PDE4B: variants seen among roughly 807,000 people sequenced by gnomAD.
The protein encoded by PDE4B is 3',5'-cyclic-AMP phosphodiesterase 4B.
Under a neutral mutation model 82.2 loss-of-function variants are expected in PDE4B, and 20 were observed. The ratio of observed to expected loss-of-function variants is 0.24; its 90% CI spans 0.17 to 0.35. The LOEUF is 0.35. PDE4B is among the 10% of genes least tolerant of loss of function. PDE4B has a pLI of 1.00. For synonymous variants in PDE4B, 320 were observed against 318.9 expected, an observed-to-expected ratio of 1.00 and a Z score of -0.04; for missense variants, 655 against 907.2, an observed-to-expected ratio of 0.72 and a Z score of 3.57.
At chr1:65,793,331 A>G in intron 1 of PDE4B, 83 bp downstream of exon 1, 1 of 152,502 alleles carries the variant, frequency 6.6e-6, no homozygotes, top group Non-Finnish European at 1.5e-5. Context: ...TGGAGAGTGT[A>G]GGGTGCTGTG....
At chr1:66,085,610 G>T (rs1656963165) in intron 3 of PDE4B, among the ~76,000 whole-genome samples, 2 of 152,068 alleles carry the variant, frequency 1.3e-5, no homozygotes, top group Admixed American at 1.3e-4. Context: ...TGGGAGAAGG[G>T]AGATCTAGAG....
Position 66,078,187 on chromosome 1 carries a change from CTCTT to C in PDE4B, c.281+159366_281+159369del, listed in dbSNP as rs566563383. On this transcript the variant is annotated intron_variant, in intron 3 of 16. Transcript: ENST00000341517. ...GACTGCTTTCTACCTTGCTTAAAGC[CTCTT>C]TCTTTCTTTCTTTTTTTTTTTTCAA... Among the ~76,000 whole-genome samples the C allele has an allele frequency of 8.0e-3, 1,210 of 150,860 alleles. 13 individuals are homozygous for C. Among genetic ancestry groups the C allele is most frequent in the African/African-American group, 0.027 (1,123 of 41,156 alleles).
At chr1:65,881,923 T>C (rs1341653377) in intron 1 of PDE4B, among the ~76,000 whole-genome samples, 2 of 152,188 alleles carry the variant, frequency 1.3e-5, no homozygotes, top group East Asian at 1.9e-4. Flanking sequence ...TTATATATCA[T>C]TATGCTATTT....
intron 3 of PDE4B, among the ~76,000 whole-genome samples, chr1:65,919,704 A>G (rs759509076): frequency 6.6e-6 from 1 of 152,080 alleles, no homozygotes; most frequent in Non-Finnish European, 1.5e-5. Context: ...ACATTATTGT[A>G]GTAAATTATT....
chr1:66,210,616 A>G (rs972370400), intron 3 of PDE4B, among the ~76,000 whole-genome samples: 5 of 147,960 alleles, frequency 3.4e-5, no homozygotes, highest in Admixed American at 6.8e-5. Flanking sequence ...AAAAAAAAAA[A>G]AAAGAAAAAG....
intron 3 of PDE4B, among the ~76,000 whole-genome samples, chr1:66,235,810 A>G (rs1652364606): frequency 1.3e-5 from 2 of 152,232 alleles, no homozygotes; most frequent in South Asian, 4.1e-4. Flanking sequence ...ACAGAGTTTA[A>G]CTGAGCAAAG....
At chr1:66,232,257 A>G (rs72924440) in intron 3 of PDE4B, among the ~76,000 whole-genome samples, 4,555 of 152,326 alleles carry the variant, frequency 0.03, 226 homozygotes, top group African/African-American at 0.1. Flanking sequence ...GGGCAGTGAT[A>G]TGCAAAAGCA....
chr1:65,922,607 T>C (rs544396620), intron 3 of PDE4B, among the ~76,000 whole-genome samples: 1 of 152,104 alleles, frequency 6.6e-6, no homozygotes. Flanking sequence ...TATACACACA[T>C]AAATAGAAGG....
intron 3 of PDE4B, among the ~76,000 whole-genome samples, chr1:66,238,554 G>T (rs1196413434): frequency 6.6e-6 from 1 of 152,196 alleles, no homozygotes; most frequent in South Asian, 2.1e-4. Context: ...AGATTTTAAT[G>T]CCGTGGTGGA....
At chr1:65,793,599 G>A (rs1462644995) in intron 1 of PDE4B, among the ~76,000 whole-genome samples, 2 of 152,110 alleles carry the variant, frequency 1.3e-5, no homozygotes, top group East Asian at 1.9e-4. Context: ...ATGGGCGCGC[G>A]GTGCCCAGTG....
intron 3 of PDE4B, among the ~76,000 whole-genome samples, chr1:66,185,596 G>A (rs551131562): frequency 6.6e-6 from 1 of 152,144 alleles, no homozygotes; most frequent in South Asian, 2.1e-4. Flanking sequence ...GGCCAGTGAT[G>A]ATGAGCATTT....
intron 7 of PDE4B, among the ~76,000 whole-genome samples, chr1:66,319,306 C>T (rs1344758446): frequency 6.6e-6 from 1 of 152,196 alleles, no homozygotes; most frequent in Non-Finnish European, 1.5e-5. Context: ...ACATTTGCTT[C>T]TACTCTTCAC....
intron 3 of PDE4B, among the ~76,000 whole-genome samples, chr1:66,147,178 C>T (rs1646292350): frequency 6.6e-6 from 1 of 152,208 alleles, no homozygotes; most frequent in Non-Finnish European, 1.5e-5. Context: ...GCACATGAGA[C>T]TGTGACCTTT....
chr1:66,319,259 T>A (rs11208833), intron 7 of PDE4B, among the ~76,000 whole-genome samples: 4,280 of 152,262 alleles, frequency 0.028, 186 homozygotes, highest in African/African-American at 0.098. Flanking sequence ...AGTCCTCTTC[T>A]CCTCCTCACC....
chr1:66,321,919 A>T (rs1659432327), intron 7 of PDE4B, among the ~76,000 whole-genome samples: 1 of 152,182 alleles, frequency 6.6e-6, no homozygotes, highest in Non-Finnish European at 1.5e-5. Flanking sequence ...CTGACTTCAA[A>T]CTATACTACA....
At position 66,096,508 on chromosome 1, in the gene PDE4B, TTA is replaced by T. The variant is rs4068855; in HGVS notation, c.282-150919_282-150918del. Among the ~76,000 whole-genome samples the T allele has an allele frequency of 5.6e-3, 599 of 107,282 alleles. 18 individuals carry two copies. The highest frequency in any genetic ancestry group is 0.017 in the African/African-American group (495 of 29,616). 70.4% of individuals were successfully genotyped at this position (107,282 alleles called of 152,430 possible). On this transcript the variant is annotated intron_variant, in intron 3 of 16. Coordinates refer to ENST00000341517, the MANE Select transcript of PDE4B (RefSeq NM_002600.4). ...TTAAATGCGGTATAAGTAAAAAAAA[TTA>T]TATATATATATATATATATATATAT...
chr1:65,968,950 T>C (rs1228520032), intron 3 of PDE4B, among the ~76,000 whole-genome samples: 1 of 152,214 alleles, frequency 6.6e-6, no homozygotes, highest in Non-Finnish European at 1.5e-5. Context: ...TATTAAAATA[T>C]TCATAACCAC....
chr1:66,169,891 G>C (rs1478932417), intron 3 of PDE4B, among the ~76,000 whole-genome samples: 3 of 152,184 alleles, frequency 2.0e-5, no homozygotes, highest in African/African-American at 7.2e-5. Flanking sequence ...GCTACAGATT[G>C]ATTTTCTCAC....
intron 7 of PDE4B, chr1:66,332,227 C>G: frequency 3.5e-6 from 5 of 1,444,358 alleles, no homozygotes; most frequent in Non-Finnish European, 4.5e-6. Context: ...AGAGACCGTT[C>G]CCTCCGCCTT....
Sources: allele counts gnomAD v4.1 joint callset (sites outside exome capture counted in the v4.1 genomes callset), GRCh38; gene constraint gnomAD v4.1.1; transcripts MANE v1.5; gene names NCBI Gene and HGNC (gene_info 2026-07-23, HGNC 2026-07-21).